The following DNAH11 variants were observed in gnomAD, a reference collection of about 807,000 sequenced individuals.
DNAH11 encodes dynein axonemal heavy chain 11, also known as axonemal beta dynein heavy chain 11.
Under a neutral mutation model 526.0 loss-of-function variants are expected in DNAH11, and 442 were observed. The ratio of observed to expected loss-of-function variants is 0.84; its 90% CI spans 0.78 to 0.91. The LOEUF (loss-of-function observed/expected upper bound fraction) is 0.91, where lower values mean the gene tolerates loss of function less well. DNAH11 is among the 40% of genes least tolerant of loss of function. The probability of loss-of-function intolerance (pLI) is 0.00; values close to 1 mark genes in which losing one functional copy is unlikely to be tolerated. For missense variants in DNAH11, 6,989 were observed against 5,448.7 expected, an observed-to-expected ratio of 1.28 and a Z score of -8.90; for synonymous variants, 2,461 against 1,935.9, an observed-to-expected ratio of 1.27 and a Z score of -7.12.
At chr7:21,801,481 G>A (rs1211313457) in intron 62 of DNAH11, among the ~76,000 whole-genome samples, 1 of 152,164 alleles carries the variant, frequency 6.6e-6, no homozygotes, top group African/African-American at 2.4e-5. Context: ...TGAACTCAAT[G>A]TGCCATCAGT....
intron 66 of DNAH11, among the ~76,000 whole-genome samples, chr7:21,844,105 G>A (rs1044408260): frequency 1.3e-5 from 2 of 152,118 alleles, no homozygotes; most frequent in African/African-American, 4.8e-5. Context: ...ACCTCTTTTG[G>A]TTAATAAAAT....
At chr7:21,549,164 C>T (rs146564857) in intron 2 of DNAH11, among the ~76,000 whole-genome samples, 170 of 152,278 alleles carry the variant, frequency 1.1e-3, no homozygotes, top group African/African-American at 3.9e-3. Context: ...CAGGCATGAG[C>T]CACCGTACCT....
chr7:21,669,151 C>A (rs1472702683), intron 30 of DNAH11, among the ~76,000 whole-genome samples: 1 of 152,038 alleles, frequency 6.6e-6, no homozygotes, highest in Non-Finnish European at 1.5e-5. Flanking sequence ...ATCTTTTGAT[C>A]TTTTGCTCCA....
At chr7:21,662,510 GTATATT>G (rs1449431836) in intron 30 of DNAH11, among the ~76,000 whole-genome samples, 1 of 152,102 alleles carries the variant, frequency 6.6e-6, no homozygotes. Flanking sequence ...TAAATACTGT[GTATATT>G]TATGTGTACA....
At chr7:21,811,977 G>A (rs1789542542) in intron 63 of DNAH11, among the ~76,000 whole-genome samples, 1 of 152,144 alleles carries the variant, frequency 6.6e-6, no homozygotes, top group African/African-American at 2.4e-5. Flanking sequence ...CATCATGGGG[G>A]GTGGGGATGT....
rs1369819600 is a variant in DNAH11 at position 21,833,068 on chromosome 7, C to T, written c.10692-9476C>T. Among the ~76,000 whole-genome samples, 4 of 152,204 alleles carry T rather than the reference C, an allele frequency of 2.6e-5. No individual in the cohort carries two copies. The East Asian group carries it at 7.7e-4, about 29-fold the overall frequency. On this transcript the variant is annotated intron_variant, in intron 65 of 81. Transcript: ENST00000409508. ...ATTAACCTGACTTCTTACCATAGTT[C>T]CCAATCCCATGACAGTGAACTGTCC...
intron 25 of DNAH11, among the ~76,000 whole-genome samples, chr7:21,633,742 AG>A (rs1786728776): frequency 6.6e-6 from 1 of 152,202 alleles, no homozygotes; most frequent in African/African-American, 2.4e-5. Context: ...TTTGTGATTA[AG>A]GTGGGCGGAA....
intron 79 of DNAH11, among the ~76,000 whole-genome samples, chr7:21,895,620 G>T (rs1583821565): frequency 6.6e-6 from 1 of 152,166 alleles, no homozygotes; most frequent in Non-Finnish European, 1.5e-5. Flanking sequence ...TTTTGGTGCT[G>T]AGTTTCTTTC....
At chr7:21,822,168 T>TGA (rs1270673878) in intron 65 of DNAH11, among the ~76,000 whole-genome samples, 12 of 152,312 alleles carry the variant, frequency 7.9e-5, no homozygotes, top group African/African-American at 2.4e-4. Flanking sequence ...TATTTATTTT[T>TGA]TTTAAAAAGA....
chr7:21,629,180 C>T (rs1030663044), intron 25 of DNAH11, among the ~76,000 whole-genome samples: 2 of 151,970 alleles, frequency 1.3e-5, no homozygotes, highest in Admixed American at 1.3e-4. Flanking sequence ...TGGTTAGGAG[C>T]ATGTTGTTTA....
Position 21,574,826 on chromosome 7 carries a change from A to G in DNAH11, c.1593+2853A>G, listed in dbSNP as rs568254937. Among the ~76,000 whole-genome samples the G allele has an allele frequency of 4.8e-5, 7 of 146,036 alleles. No homozygotes were observed. In the East Asian group the frequency reaches 1.3e-3, roughly 27 times the overall value. ...GATGATCCACCCTCCTTGGCCTCCCAAAGTGCTGAGGAGATTACAGGCGTG... is the reference window on the plus strand; with the variant it reads ...GATGATCCACCCTCCTTGGCCTCCCGAAGTGCTGAGGAGATTACAGGCGTG... On this transcript the variant is annotated intron_variant, in intron 8 of 81. Coordinates refer to ENST00000409508, the MANE Select transcript of DNAH11 (RefSeq NM_001277115.2).
intron 16 of DNAH11, 34 bp downstream of exon 16, chr7:21,600,964 A>G (rs760420315): frequency 6.2e-7 from 1 of 1,611,726 alleles, no homozygotes; most frequent in Non-Finnish European, 8.5e-7. Context: ...ATGTAGTGAA[A>G]TGGCTTTTCA....
intron 79 of DNAH11, among the ~76,000 whole-genome samples, chr7:21,897,191 T>C (rs1223994798): frequency 6.6e-6 from 1 of 152,124 alleles, no homozygotes; most frequent in Non-Finnish European, 1.5e-5. Context: ...ACTGTTATTC[T>C]CTTTTCCTGA....
intron 62 of DNAH11, 52 bp downstream of exon 62, chr7:21,801,327 G>C (rs755533650): frequency 6.3e-7 from 1 of 1,599,062 alleles, no homozygotes; most frequent in Non-Finnish European, 8.5e-7. Context: ...ATCAGCTTGT[G>C]GGGATTTTAT....
intron 45 of DNAH11, among the ~76,000 whole-genome samples, chr7:21,727,226 C>A (rs187403531): frequency 1.1e-4 from 17 of 151,924 alleles, no homozygotes; most frequent in African/African-American, 3.9e-4. Context: ...AGCCACCGTG[C>A]CTGGCCTCTG....
At chr7:21,822,677 C>T (rs1187291352) in intron 65 of DNAH11, among the ~76,000 whole-genome samples, 1 of 152,162 alleles carries the variant, frequency 6.6e-6, no homozygotes, top group Non-Finnish European at 1.5e-5. Flanking sequence ...TGTGGCATGA[C>T]CATGAGGAAT....
chr7:21,696,706 G>A (rs968169343), intron 35 of DNAH11, among the ~76,000 whole-genome samples: 1 of 152,132 alleles, frequency 6.6e-6, no homozygotes, highest in African/African-American at 2.4e-5. Flanking sequence ...TGCCTTTGGA[G>A]TATTCTGATT....
intron 66 of DNAH11, among the ~76,000 whole-genome samples, chr7:21,850,489 G>A (rs766004277): frequency 5.9e-5 from 9 of 151,332 alleles, no homozygotes; most frequent in Admixed American, 1.3e-4. Context: ...CTTGCATGGT[G>A]TTCACTTTTC....
intron 56 of DNAH11, among the ~76,000 whole-genome samples, 182 bp from the exon 57 acceptor site, chr7:21,778,776 C>G (rs180776626): frequency 1.3e-5 from 2 of 152,280 alleles, no homozygotes; most frequent in African/African-American, 4.8e-5. Context: ...TCTGTTTGTT[C>G]TCATGTGGAG....
Sources: gnomAD v4.1 joint callset for allele counts (sites outside exome capture counted in the v4.1 genomes callset) on GRCh38, gnomAD v4.1.1 for gene constraint, MANE v1.5 for transcripts, NCBI Gene and HGNC (gene_info 2026-07-23, HGNC 2026-07-21) for gene names.